Variants in FSTL5 observed in about 807,000 individuals in gnomAD.
FSTL5 encodes follistatin like 5.
Under a neutral mutation model 89.1 loss-of-function variants are expected in FSTL5, and 62 were observed. That is an observed-to-expected ratio of 0.70 (90% CI 0.57 to 0.86). The LOEUF is 0.86. Among genes scored for constraint, FSTL5 ranks in the 40% least tolerant of loss-of-function variants. The probability of loss-of-function intolerance (pLI) is 0.00; values close to 1 mark genes in which losing one functional copy is unlikely to be tolerated. For missense variants in FSTL5, 1,057 were observed against 1,001.6 expected, an observed-to-expected ratio of 1.06 and a Z score of -0.75; for synonymous variants, 383 against 346.2, an observed-to-expected ratio of 1.11 and a Z score of -1.18.
At chr4:161,420,532 A>C (rs1731947912) in intron 15 of FSTL5, among the ~76,000 whole-genome samples, 1 of 152,106 alleles carries the variant, frequency 6.6e-6, no homozygotes, top group South Asian at 2.1e-4. Flanking sequence ...TTAAGTATTT[A>C]AGTGTTGTCA....
At chr4:161,480,467 T>A (rs960388918) in intron 13 of FSTL5, among the ~76,000 whole-genome samples, 1 of 152,202 alleles carries the variant, frequency 6.6e-6, no homozygotes, top group African/African-American at 2.4e-5. Flanking sequence ...TGGCTCAAAC[T>A]TGAAGTATGA....
chr4:161,861,936 A>G (rs1731930120), intron 4 of FSTL5, among the ~76,000 whole-genome samples: 1 of 152,214 alleles, frequency 6.6e-6, no homozygotes, highest in Non-Finnish European at 1.5e-5. Context: ...ATGTAACATC[A>G]TTACTCTTTC....
At chr4:161,576,576 T>C (rs1733215458) in intron 8 of FSTL5, among the ~76,000 whole-genome samples, 1 of 152,190 alleles carries the variant, frequency 6.6e-6, no homozygotes, top group African/African-American at 2.4e-5. Context: ...TGGGAAATGA[T>C]TCCCTATTTA....
Position 161,696,628 on chromosome 4 carries a change from G to A in FSTL5, c.728-40134C>T, listed in dbSNP as rs146034592. 5.9e-3 allele frequency among the ~76,000 whole-genome samples: 898 copies of A among 152,218 alleles called. 13 individuals carry two copies. Among genetic ancestry groups the A allele is most frequent in the South Asian group, 0.047 (226 of 4,820 alleles). On this transcript the variant is annotated intron_variant, in intron 6 of 15. Coordinates refer to ENST00000306100, the MANE Select transcript of FSTL5 (RefSeq NM_020116.5). ...TTTGTGTCATCTATGATTTCTCTCAGCAGTGTTTTATAGTTTCCCTTGTAG... is the reference window on the plus strand; with the variant it reads ...TTTGTGTCATCTATGATTTCTCTCAACAGTGTTTTATAGTTTCCCTTGTAG...
At chr4:161,477,388 C>T (rs1729314746) in intron 13 of FSTL5, among the ~76,000 whole-genome samples, 1 of 150,262 alleles carries the variant, frequency 6.7e-6, no homozygotes, top group Non-Finnish European at 1.5e-5. Flanking sequence ...TGAGGGTTTA[C>T]ATAAGTGATT....
chr4:162,145,620 A>G (rs1732943933), intron 1 of FSTL5, among the ~76,000 whole-genome samples: 1 of 152,134 alleles, frequency 6.6e-6, no homozygotes, highest in Non-Finnish European at 1.5e-5. Flanking sequence ...AAAAAAACGG[A>G]GAATCATGCA....
intron 7 of FSTL5, among the ~76,000 whole-genome samples, chr4:161,655,798 C>T (rs1483226092): frequency 1.3e-5 from 2 of 152,066 alleles, no homozygotes; most frequent in Non-Finnish European, 2.9e-5. Context: ...CATATAAACA[C>T]ATATAAATAT....
At chr4:161,592,196 C>T (rs1733844822) in intron 7 of FSTL5, among the ~76,000 whole-genome samples, 1 of 152,050 alleles carries the variant, frequency 6.6e-6, no homozygotes, top group Non-Finnish European at 1.5e-5. Flanking sequence ...CATGTCAACC[C>T]CTGTATTTCT....
rs1484800210 is a variant in FSTL5 at position 161,528,506 on chromosome 4, A to G, written c.1312+9660T>C. 2.1e-5 allele frequency among the ~76,000 whole-genome samples: 3 copies of G among 142,910 alleles called. 1 individual carries two copies. The East Asian group carries it at 7.3e-4, about 35-fold the overall frequency. 93.8% of individuals were successfully genotyped at this position (142,910 alleles called of 152,430 possible). On this transcript the variant is annotated intron_variant, in intron 10 of 15. Coordinates refer to ENST00000306100, the MANE Select transcript of FSTL5 (RefSeq NM_020116.5). ...TTGGGTAAATAGAGGACAATAGGAA[A>G]CACAGTTGTATAATCTGGGCTGTTG... is the stretch of plus-strand genomic sequence containing the variant.
At chr4:161,532,152 C>T (rs973441888) in intron 10 of FSTL5, among the ~76,000 whole-genome samples, 11 of 150,214 alleles carry the variant, frequency 7.3e-5, no homozygotes, top group East Asian at 2.0e-4. Flanking sequence ...TTACAGTGAG[C>T]GGAGATCACG....
intron 3 of FSTL5, among the ~76,000 whole-genome samples, chr4:161,929,000 T>G (rs546375614): frequency 6.6e-6 from 1 of 151,830 alleles, no homozygotes; most frequent in Non-Finnish European, 1.5e-5. Flanking sequence ...ATAGAGATCA[T>G]CTAGGAGTTT....
At chr4:161,713,968 T>A (rs181649676) in intron 6 of FSTL5, among the ~76,000 whole-genome samples, 4 of 152,300 alleles carry the variant, frequency 2.6e-5, no homozygotes, top group African/African-American at 7.2e-5. Flanking sequence ...TCTTTACCCA[T>A]AACTGTGTGA....
At chr4:161,525,424 T>G (rs1731183760) in intron 10 of FSTL5, among the ~76,000 whole-genome samples, 1 of 152,174 alleles carries the variant, frequency 6.6e-6, no homozygotes, top group Non-Finnish European at 1.5e-5. Flanking sequence ...AAGAAATAGT[T>G]AAGTCAGAGG....
At chr4:161,414,119 C>T (rs571450669) in intron 15 of FSTL5, among the ~76,000 whole-genome samples, 94 of 152,128 alleles carry the variant, frequency 6.2e-4, no homozygotes, top group African/African-American at 2.0e-3. Flanking sequence ...AGGTGAATTT[C>T]ACTTCAATAT....
chr4:162,131,643 G>T (rs1732304875), intron 1 of FSTL5, among the ~76,000 whole-genome samples: 1 of 152,170 alleles, frequency 6.6e-6, no homozygotes, highest in Admixed American at 6.6e-5. Flanking sequence ...TACTGCAGCA[G>T]GGGCTTCTCA....
At chr4:162,124,088 C>T (rs1306768500) in intron 1 of FSTL5, among the ~76,000 whole-genome samples, 2 of 152,010 alleles carry the variant, frequency 1.3e-5, no homozygotes, top group Non-Finnish European at 2.9e-5. Flanking sequence ...AATTATATGT[C>T]TTATGTCTTT....
chr4:161,424,573 ATC>A (rs2126322833), intron 15 of FSTL5, among the ~76,000 whole-genome samples: 1 of 151,812 alleles, frequency 6.6e-6, no homozygotes, highest in East Asian at 1.9e-4. Flanking sequence ...TCCCTCATCT[ATC>A]TCTTTTTATA....
chr4:162,074,097 A>G (rs1237056421), intron 2 of FSTL5, among the ~76,000 whole-genome samples: 1 of 151,808 alleles, frequency 6.6e-6, no homozygotes, highest in African/African-American at 2.4e-5. Flanking sequence ...ATATATAGCT[A>G]CTTTCCAATT....
chr4:162,163,294 T>C (rs746066612), intron 1 of FSTL5, among the ~76,000 whole-genome samples: 41 of 152,088 alleles, frequency 2.7e-4, no homozygotes, highest in Non-Finnish European at 4.3e-4. Context: ...ATGGTTCCTA[T>C]CCTTTGAACC....
Sources: allele counts gnomAD v4.1 joint callset (sites outside exome capture counted in the v4.1 genomes callset), GRCh38; gene constraint gnomAD v4.1.1; transcripts MANE v1.5; gene names NCBI Gene and HGNC (gene_info 2026-07-23, HGNC 2026-07-21).